Variants in TEX11 observed in about 807,000 individuals in gnomAD.
TEX11 encodes the protein testis-expressed protein 11.
A neutral mutation model predicts 84.4 loss-of-function variants in TEX11; 7 were observed. The observed-to-expected ratio is 0.08, with a 90% CI of 0.05 to 0.16. The LOEUF is 0.16. TEX11 is among the 10% of genes least tolerant of loss of function. TEX11 has a pLI of 1.00. For missense variants in TEX11, 551 were observed against 660.5 expected (o/e 0.83, Z 1.82); for synonymous variants, 264 against 222.8 (o/e 1.18, Z -1.64).
Position 70,838,529 on chromosome X carries a change from C to G in TEX11, c.526-4936G>C, listed in dbSNP as rs183064203. Reference sequence around the variant, plus strand: ...AGGAGCCAAGATGGCCGAATAGGAACAGCTCCAGTCTACAGCTCCCAGTGT... The same window carrying G: ...AGGAGCCAAGATGGCCGAATAGGAAGAGCTCCAGTCTACAGCTCCCAGTGT... On this transcript the variant is annotated intron_variant, in intron 7 of 29. Coordinates refer to ENST00000374333, the MANE Select transcript of TEX11 (RefSeq NM_031276.3). Among the ~76,000 whole-genome samples the G allele has an allele frequency of 3.8e-3, 423 of 112,642 alleles. 2 individuals are homozygous for G. Among genetic ancestry groups the G allele is most frequent in the Non-Finnish European group, 6.6e-3 (351 of 53,302 alleles).
chrX:70,728,721 G>C (rs986397307), intron 11 of TEX11, among the ~76,000 whole-genome samples: 5 of 104,899 alleles, frequency 4.8e-5, no homozygotes, highest in Non-Finnish European at 9.8e-5. Flanking sequence ...TGCCTCTGTA[G>C]ACTCCACCTC....
At chrX:70,829,267 A>T (rs1423572223) in intron 8 of TEX11, among the ~76,000 whole-genome samples, 2 of 111,464 alleles carry the variant, frequency 1.8e-5, no homozygotes, top group Non-Finnish European at 1.9e-5. Context: ...GGATCGCCTG[A>T]GGTCAGGAGT....
chrX:70,762,211 T>C (rs943013252), intron 9 of TEX11, among the ~76,000 whole-genome samples: 1 of 111,963 alleles, frequency 8.9e-6, no homozygotes, highest in Non-Finnish European at 1.9e-5. Flanking sequence ...AAGTAATCAC[T>C]TGAAGATACA....
chrX:70,904,335 C>T (rs1189675192), intron 2 of TEX11, among the ~76,000 whole-genome samples: 2 of 111,461 alleles, frequency 1.8e-5, no homozygotes, highest in Non-Finnish European at 3.8e-5. Flanking sequence ...CACTAGTTAT[C>T]AGGAAAATAT....
intron 16 of TEX11, among the ~76,000 whole-genome samples, chrX:70,668,737 G>T (rs952829515): frequency 8.9e-6 from 1 of 112,372 alleles, no homozygotes; most frequent in African/African-American, 3.2e-5. Context: ...TAGAAGAGAT[G>T]TAAGTAGCAT....
At chrX:70,838,278 G>C (rs1336531635) in intron 7 of TEX11, among the ~76,000 whole-genome samples, 2 of 110,630 alleles carry the variant, frequency 1.8e-5, no homozygotes, top group African/African-American at 6.6e-5. Flanking sequence ...ATTTAGCCTA[G>C]CATGGTGGCG....
intron 28 of TEX11, among the ~76,000 whole-genome samples, chrX:70,551,642 TATG>T (rs903893589): frequency 5.4e-5 from 6 of 111,903 alleles, no homozygotes; most frequent in Non-Finnish European, 9.4e-5. Context: ...GGGTGAATTT[TATG>T]ATATGTGAAT....
Position 70,539,464 on chromosome X carries a change from G to C in TEX11, c.2521-9465C>G, listed in dbSNP as rs1476734318. Among the ~76,000 whole-genome samples the C allele has an allele frequency of 2.7e-5, 3 of 111,037 alleles. No individual in the cohort carries two copies. The East Asian group carries it at 8.5e-4, about 32-fold the overall frequency. ...CTTAGAGAATGTAGCTCAGTAGTTT[G>C]AATCACCTTAGCTTCCCTTGTAAAA... On this transcript the variant is annotated intron_variant, in intron 28 of 29. Coordinates refer to ENST00000374333, the MANE Select transcript of TEX11 (RefSeq NM_031276.3).
intron 13 of TEX11, among the ~76,000 whole-genome samples, chrX:70,698,786 G>A (rs908159327): frequency 9.0e-6 from 1 of 111,240 alleles, no homozygotes; most frequent in Admixed American, 9.6e-5. Flanking sequence ...GGAGTAAAGA[G>A]GAAAATCAAT....
At chrX:70,674,414 C>T (rs1453968739) in intron 15 of TEX11, among the ~76,000 whole-genome samples, 1 of 111,719 alleles carries the variant, frequency 9.0e-6, no homozygotes, top group Non-Finnish European at 1.9e-5. Flanking sequence ...GGGTATATAT[C>T]CAGTAATGGG....
intron 9 of TEX11, among the ~76,000 whole-genome samples, chrX:70,789,485 G>A (rs747624379): frequency 4.8e-4 from 54 of 111,618 alleles, no homozygotes; most frequent in Admixed American, 2.4e-3. Flanking sequence ...CCAGCTACTC[G>A]GGAAGCTGAA....
intron 16 of TEX11, among the ~76,000 whole-genome samples, chrX:70,654,441 T>A (rs911884274): frequency 1.8e-5 from 2 of 110,261 alleles, no homozygotes. Flanking sequence ...CCGGGCACGG[T>A]GGCTCATGCC....
intron 16 of TEX11, among the ~76,000 whole-genome samples, chrX:70,669,536 C>T (rs1162065307): frequency 1.8e-5 from 2 of 112,432 alleles, no homozygotes; most frequent in Non-Finnish European, 3.8e-5. Context: ...AGTTCTCTTC[C>T]AGGGCTGTGA....
chrX:70,895,371 G>A (rs1017069449), intron 2 of TEX11, among the ~76,000 whole-genome samples: 19 of 111,333 alleles, frequency 1.7e-4, no homozygotes, highest in Admixed American at 8.7e-4. Context: ...GGAAATAAGC[G>A]GGGACACAAA....
chrX:70,861,093 G>A (rs1431293352), intron 4 of TEX11, among the ~76,000 whole-genome samples, 157 bp from the exon 5 acceptor site: 4 of 87,973 alleles, frequency 4.5e-5, no homozygotes, highest in Non-Finnish European at 8.6e-5. Context: ...ACGGAGTCTC[G>A]CTCTGTCGCC....
At chrX:70,518,929 T>G in the TEX11 span, among the ~76,000 whole-genome samples, 19 of 111,968 alleles carry the variant, frequency 1.7e-4, no homozygotes, top group Non-Finnish European at 2.8e-4. Flanking sequence ...AGACTAGGAT[T>G]ATAACCCCTG....
At chrX:70,838,399 G>A (rs1162385522) in intron 7 of TEX11, among the ~76,000 whole-genome samples, 1 of 111,853 alleles carries the variant, frequency 8.9e-6, no homozygotes, top group Admixed American at 9.5e-5. Flanking sequence ...CTCCAGCCTG[G>A]GCAACGGAGC....
rs144438018 is a variant in TEX11, at chrX:70,651,489, T to C, written c.1444A>G (p.Ile482Val). ...CCCTCTATGACTGCAATCTTGAATA[T>C]ATAAAATTGAGTGAAAACGTTCCTA... The part of the protein sequence containing the change: ...DPRNVFTQFY[I>V]FKIAVIEGNS... Residue 482 changes from isoleucine to valine, a missense_variant, in exon 17 of 30, where the codon ATA becomes GTA. By Grantham distance (29) the Ile-to-Val change is conservative (BLOSUM62 3). Coordinates refer to ENST00000374333, the MANE Select transcript of TEX11 (RefSeq NM_031276.3). 17 of 1,206,051 alleles carry C rather than the reference T, an allele frequency of 1.4e-5. No individual in the cohort carries two copies. The highest frequency in any genetic ancestry group is 2.2e-5 in the Admixed American group (1 of 45,470).
chrX:70,677,526 C>A (rs2090082670), intron 15 of TEX11, among the ~76,000 whole-genome samples: 1 of 112,126 alleles, frequency 8.9e-6, no homozygotes, highest in Admixed American at 9.5e-5. Context: ...CACTGAAGCT[C>A]TTTTAAGTCT....
Sources: gnomAD v4.1 joint callset for allele counts (sites outside exome capture counted in the v4.1 genomes callset) on GRCh38, gnomAD v4.1.1 for gene constraint, MANE v1.5 for transcripts, NCBI Gene and HGNC (gene_info 2026-07-23, HGNC 2026-07-21) for gene names.